NTRK3: variants seen among roughly 807,000 people sequenced by gnomAD.
NTRK3 encodes the protein NT-3 growth factor receptor.
NTRK3 carries 24 observed loss-of-function variants against 91.7 expected under a neutral mutation model. The ratio of observed to expected loss-of-function variants is 0.26; its 90% CI spans 0.19 to 0.37. NTRK3 has a LOEUF of 0.37. Ranked by LOEUF, NTRK3 falls within the 10% of genes least tolerant of loss-of-function variation. The pLI, the probability that NTRK3 is intolerant of heterozygous loss-of-function variation, is 1.00. For missense variants in NTRK3, 880 were observed against 1,068.9 expected, an observed-to-expected ratio of 0.82 and a Z score of 2.46; for synonymous variants, 483 against 404.0, an observed-to-expected ratio of 1.20 and a Z score of -2.34.
intron 17 of NTRK3, among the ~76,000 whole-genome samples, chr15:87,914,002 G>A (rs778654914): frequency 6.6e-5 from 10 of 152,200 alleles, no homozygotes; most frequent in Non-Finnish European, 1.5e-4. Flanking sequence ...AAGGGAGAGA[G>A]GAGGATTTAG....
At chr15:88,078,127 C>T (rs746152781) in intron 13 of NTRK3, among the ~76,000 whole-genome samples, 2 of 152,174 alleles carry the variant, frequency 1.3e-5, no homozygotes, top group East Asian at 1.9e-4. Flanking sequence ...GTGTATACAT[C>T]ATGTCCTTGA....
At chr15:87,861,231 G>C (rs2064514936) in exon 19 of NTRK3, 1 of 219,020 alleles carries the variant, frequency 4.6e-6, no homozygotes, top group Non-Finnish European at 9.2e-6. Flanking sequence ...AGAAGCTTAG[G>C]GAGGGGGGAT....
intron 13 of NTRK3, among the ~76,000 whole-genome samples, chr15:88,102,462 TAAC>T (rs2050272267): frequency 6.6e-6 from 1 of 152,194 alleles, no homozygotes; most frequent in Non-Finnish European, 1.5e-5. Flanking sequence ...TGTCTACAGT[TAAC>T]AATAATTTAT....
chr15:88,080,392 T>G (rs930459895), intron 13 of NTRK3, among the ~76,000 whole-genome samples: 8 of 152,210 alleles, frequency 5.3e-5, no homozygotes, highest in Non-Finnish European at 8.8e-5. Flanking sequence ...TTTGCCAATT[T>G]AATGGGGGAG....
chr15:87,907,798 C>A (rs1174740529), intron 17 of NTRK3, among the ~76,000 whole-genome samples: 1 of 152,152 alleles, frequency 6.6e-6, no homozygotes, highest in South Asian at 2.1e-4. Context: ...GTCTGATGAT[C>A]AAGGTAAGAC....
chr15:87,997,224 C>T (rs1015932598), intron 14 of NTRK3, among the ~76,000 whole-genome samples: 3 of 152,222 alleles, frequency 2.0e-5, no homozygotes, highest in African/African-American at 7.2e-5. Context: ...GCATACAGTG[C>T]TTCATACAAT....
chr15:88,002,178 T>C (rs957804074), intron 14 of NTRK3, among the ~76,000 whole-genome samples: 1 of 146,254 alleles, frequency 6.8e-6, no homozygotes, highest in Non-Finnish European at 1.5e-5. Flanking sequence ...GTTTTTTTTT[T>C]TTTTTTTTTT....
intron 5 of NTRK3, among the ~76,000 whole-genome samples, chr15:88,171,073 G>T (rs540628166): frequency 6.6e-6 from 1 of 152,302 alleles, no homozygotes; most frequent in South Asian, 2.1e-4. Flanking sequence ...AAGAAATGCA[G>T]TTGTAAAACC....
chr15:88,173,650 C>T (rs1282390011), intron 5 of NTRK3, among the ~76,000 whole-genome samples: 2 of 152,228 alleles, frequency 1.3e-5, no homozygotes, highest in East Asian at 3.9e-4. Flanking sequence ...CAGGCACTCC[C>T]TTCGTGGTCT....
intron 14 of NTRK3, among the ~76,000 whole-genome samples, chr15:88,029,285 G>A (rs2078315306): frequency 1.3e-5 from 2 of 152,174 alleles, no homozygotes; most frequent in African/African-American, 2.4e-5. Flanking sequence ...AGCCCTTGCT[G>A]GGAACATAGG....
intron 14 of NTRK3, among the ~76,000 whole-genome samples, chr15:88,026,773 G>A (rs976823948): frequency 6.6e-6 from 1 of 152,202 alleles, no homozygotes; most frequent in African/African-American, 2.4e-5. Context: ...TGTACTTTCT[G>A]AAATTGTTGT....
chr15:87,886,664 T>G (rs1172577260), intron 17 of NTRK3, among the ~76,000 whole-genome samples: 6 of 87,340 alleles, frequency 6.9e-5, no homozygotes, highest in Non-Finnish European at 1.4e-4. Context: ...AAGAGAAAAA[T>G]CCCACTTTTT....
chr15:88,201,750 C>G (rs193088105), intron 3 of NTRK3, among the ~76,000 whole-genome samples: 1 of 152,236 alleles, frequency 6.6e-6, no homozygotes, highest in East Asian at 1.9e-4. Flanking sequence ...CTTCAGAACA[C>G]AGGGCCAGGC....
intron 5 of NTRK3, among the ~76,000 whole-genome samples, chr15:88,157,497 G>A (rs376178880): frequency 1.9e-4 from 29 of 151,956 alleles, no homozygotes; most frequent in African/African-American, 5.1e-4. Flanking sequence ...GTGTGGAGCC[G>A]AGCAGGACCA....
chr15:88,069,848 G>C (rs1471883949), intron 13 of NTRK3, among the ~76,000 whole-genome samples: 3 of 152,168 alleles, frequency 2.0e-5, no homozygotes, highest in Non-Finnish European at 4.4e-5. Flanking sequence ...AAAAGGCCAG[G>C]GATCTCAGGC....
At chr15:88,192,283 C>T (rs1328316578) in intron 3 of NTRK3, among the ~76,000 whole-genome samples, 3 of 152,182 alleles carry the variant, frequency 2.0e-5, no homozygotes, top group African/African-American at 7.2e-5. Flanking sequence ...AGCGAGATTT[C>T]ACCTGGGAGC....
chr15:88,155,871 T>C (rs1048563007), intron 5 of NTRK3, among the ~76,000 whole-genome samples: 1 of 152,158 alleles, frequency 6.6e-6, no homozygotes, highest in South Asian at 2.1e-4. Flanking sequence ...TTCACATTCT[T>C]TTTTGTACTA....
intron 17 of NTRK3, among the ~76,000 whole-genome samples, chr15:87,910,838 T>C (rs759408323): frequency 6.6e-6 from 1 of 152,162 alleles, no homozygotes; most frequent in East Asian, 1.9e-4. Context: ...AAATTATTAA[T>C]AATGTCATTC....
At chr15:87,881,661 C>G (rs1005511612) in intron 17 of NTRK3, among the ~76,000 whole-genome samples, 35 of 151,870 alleles carry the variant, frequency 2.3e-4, no homozygotes, top group African/African-American at 8.5e-4. Context: ...CCTCGTGATC[C>G]GCCTGCCTCG....
Sources: gnomAD v4.1 joint callset for allele counts (sites outside exome capture counted in the v4.1 genomes callset) on GRCh38, gnomAD v4.1.1 for gene constraint, MANE v1.5 for transcripts, NCBI Gene and HGNC (gene_info 2026-07-23, HGNC 2026-07-21) for gene names.